The following EPM2A variants were observed in gnomAD, a reference collection of about 807,000 sequenced individuals.
EPM2A encodes laforin.
In EPM2A, 21 loss-of-function variants were observed where a neutral mutation model predicts 26.5. The ratio of observed to expected loss-of-function variants is 0.79; its 90% confidence interval spans 0.56 to 1.14. The LOEUF is 1.14. Ranked by LOEUF, EPM2A falls within the 50% of genes most tolerant of loss-of-function variation. EPM2A has a pLI of 0.00. For missense variants in EPM2A, 458 were observed against 440.8 expected (o/e 1.04, Z -0.35); for synonymous variants, 217 against 177.6 (o/e 1.22, Z -1.76).
Position 145,479,421 on chromosome 6 carries a change from T to C in EPM2A, c.555+23101A>G, listed in dbSNP as rs1779586478. Among the ~76,000 whole-genome samples the C allele has an allele frequency of 7.3e-5, 11 of 151,504 alleles. No homozygotes were observed. In the South Asian group the frequency reaches 2.3e-3, roughly 31 times the overall value. ...CTTTTTTATCACCCCAAACAGAAAC[T>C]CTATGACCATTAGCAACAACTATGT... On this transcript the variant is annotated intron_variant, in intron 4 of 4. Coordinates refer to the EPM2A transcript ENST00000638717.
intron 2 of EPM2A, among the ~76,000 whole-genome samples, chr6:145,654,522 C>T (rs1778120514): frequency 6.6e-6 from 1 of 152,076 alleles, no homozygotes; most frequent in African/African-American, 2.4e-5. Context: ...GTAGGAAATA[C>T]AAAAAAGTTT....
intron 2 of EPM2A, chr6:145,636,041 G>A (rs929576268): frequency 6.5e-6 from 1 of 154,204 alleles, no homozygotes; most frequent in African/African-American, 2.4e-5. Flanking sequence ...TGTTCTATAG[G>A]TTTCATCTAA....
Position 145,627,095 on chromosome 6 carries a change from A to G in EPM2A, c.*321T>C. 8.0e-7 allele frequency: 1 copy of G among 1,252,040 alleles called. No homozygotes were observed. Among genetic ancestry groups the G allele is most frequent in the Non-Finnish European group, 1.0e-6 (1 of 987,006 alleles). The allele number at this position is 1,252,040 out of a possible 1,614,324, so 77.6% of individuals were successfully genotyped here. On this transcript the variant is annotated 3_prime_UTR_variant, in exon 4 of 4. Transcript: ENST00000367519. ...AAGTGCTGTCACGGATCCATCGTGC[A>G]ACACATACAGTGCTGTAAAGCAAAG...
chr6:145,513,377 G>A (rs979951811), intron 2 of EPM2A, among the ~76,000 whole-genome samples: 16 of 152,090 alleles, frequency 1.1e-4, no homozygotes, highest in African/African-American at 3.9e-4. Flanking sequence ...CAATCAGAAT[G>A]GCTATTATTA....
At chr6:145,517,405 G>T (rs1363204627) in intron 2 of EPM2A, among the ~76,000 whole-genome samples, 2 of 151,824 alleles carry the variant, frequency 1.3e-5, no homozygotes, top group Non-Finnish European at 2.9e-5. Flanking sequence ...AAACAAAAAG[G>T]GTCACCTCAG....
intron 1 of EPM2A, among the ~76,000 whole-genome samples, chr6:145,716,810 C>T (rs1775653328): frequency 6.6e-6 from 1 of 152,196 alleles, no homozygotes; most frequent in Non-Finnish European, 1.5e-5. Context: ...TTTCTCCTGT[C>T]TCCCTCACAT....
intron 2 of EPM2A, among the ~76,000 whole-genome samples, chr6:145,555,918 C>A (rs1161913758): frequency 2.0e-5 from 3 of 152,120 alleles, no homozygotes; most frequent in Admixed American, 6.6e-5. Context: ...GCCTACCTAA[C>A]AAAGACACAG....
intron 1 of EPM2A, among the ~76,000 whole-genome samples, chr6:145,689,290 G>A (rs1169018223): frequency 2.0e-5 from 3 of 152,090 alleles, no homozygotes; most frequent in Non-Finnish European, 4.4e-5. Context: ...CTAATGAAAT[G>A]GCAAAAATGA....
chr6:145,593,380 A>C (rs1017949841), intron 2 of EPM2A, among the ~76,000 whole-genome samples: 1 of 152,134 alleles, frequency 6.6e-6, no homozygotes, highest in African/African-American at 2.4e-5. Context: ...TCAAGCAGGC[A>C]GAACATCAGT....
intron 1 of EPM2A, among the ~76,000 whole-genome samples, chr6:145,694,081 T>C (rs896746574): frequency 6.6e-6 from 1 of 152,036 alleles, no homozygotes; most frequent in African/African-American, 2.4e-5. Flanking sequence ...TAAATATCTA[T>C]TGGATAGGTG....
intron 4 of EPM2A, among the ~76,000 whole-genome samples, chr6:145,472,580 A>G (rs1779488948): frequency 6.6e-6 from 1 of 151,896 alleles, no homozygotes. Flanking sequence ...ATGACAAGCT[A>G]ACTTAAGAGA....
chr6:145,720,384 T>C (rs902924485), intron 1 of EPM2A, among the ~76,000 whole-genome samples: 18 of 152,334 alleles, frequency 1.2e-4, no homozygotes, highest in Admixed American at 1.2e-3. Flanking sequence ...AATACTCATA[T>C]ATATTAAGTA....
chr6:145,446,671 TG>T (rs1779132878), intron 4 of EPM2A, among the ~76,000 whole-genome samples: 1 of 152,074 alleles, frequency 6.6e-6, no homozygotes, highest in Admixed American at 6.6e-5. Flanking sequence ...CTGGAAACCT[TG>T]ATCCTGCCAA....
intron 2 of EPM2A, among the ~76,000 whole-genome samples, chr6:145,588,333 G>T (rs113229862): frequency 2.7e-3 from 408 of 152,212 alleles, no homozygotes; most frequent in African/African-American, 9.1e-3. Flanking sequence ...CATTTAACAA[G>T]AATGGACAAA....
At chr6:145,652,578 G>A (rs1452093550) in intron 2 of EPM2A, among the ~76,000 whole-genome samples, 1 of 151,858 alleles carries the variant, frequency 6.6e-6, no homozygotes, top group African/African-American at 2.4e-5. Flanking sequence ...CCAGCACCTA[G>A]ATCCAGAAGC....
At chr6:145,703,142 G>C (rs571119390) in intron 1 of EPM2A, among the ~76,000 whole-genome samples, 36 of 143,776 alleles carry the variant, frequency 2.5e-4, no homozygotes, top group African/African-American at 7.6e-4. Flanking sequence ...GCCCATGCTA[G>C]AGTGCAGTGG....
At chr6:145,394,400 T>A (rs1031776395) in intron 4 of EPM2A, among the ~76,000 whole-genome samples, 1 of 152,124 alleles carries the variant, frequency 6.6e-6, no homozygotes, top group Non-Finnish European at 1.5e-5. Flanking sequence ...CTAACACTGA[T>A]ATCTGTCTGA....
chr6:145,605,792 T>C (rs1352784176), intron 2 of EPM2A, among the ~76,000 whole-genome samples: 1 of 152,116 alleles, frequency 6.6e-6, no homozygotes, highest in Non-Finnish European at 1.5e-5. Context: ...AAATAATTCA[T>C]GGTTAAGATG....
rs1229608705 is a variant in EPM2A, at chr6:145,384,390, T to G, written c.556-293A>C. Among the ~76,000 whole-genome samples, 2 of 149,170 alleles carry G rather than the reference T, an allele frequency of 1.3e-5. 1 individual carries two copies. Among genetic ancestry groups the G allele is most frequent in the Non-Finnish European group, 3.0e-5 (2 of 67,196 alleles). ...GAGACACAGGGTTATTTTTTAGTGATAATCATGGGATCAACACCTGTGGGG... is the reference window on the plus strand; with the variant it reads ...GAGACACAGGGTTATTTTTTAGTGAGAATCATGGGATCAACACCTGTGGGG... On this transcript the variant is annotated intron_variant, in intron 4 of 4. Coordinates refer to the EPM2A transcript ENST00000638717.
Sources: gnomAD v4.1 joint callset for allele counts (sites outside exome capture counted in the v4.1 genomes callset) on GRCh38, gnomAD v4.1.1 for gene constraint, MANE v1.5 for transcripts, NCBI Gene and HGNC (gene_info 2026-07-23, HGNC 2026-07-21) for gene names.